DENND4A: variants seen among roughly 807,000 people sequenced by gnomAD.
The protein encoded by DENND4A is C-myc promoter-binding protein.
DENND4A carries 70 observed loss-of-function variants against 199.3 expected under a neutral mutation model. That is an observed-to-expected ratio of 0.35 (90% confidence interval 0.29 to 0.43). The LOEUF is 0.43. DENND4A is among the 20% of genes least tolerant of loss of function. The pLI is 1.00. For missense variants in DENND4A, 1,723 were observed against 2,255.8 expected (o/e 0.76, Z 4.78); for synonymous variants, 686 against 766.9 (o/e 0.89, Z 1.74).
chr15:65,756,306 A>T lies in DENND4A; in HGVS notation c.145T>A (p.Ser49Thr). The T allele has an allele frequency of 6.2e-7, 1 of 1,613,764 alleles. No individual in the cohort carries two copies. The highest frequency in any genetic ancestry group is 1.1e-5 in the South Asian group (1 of 91,058). ...AKPKEPITDV[S>T]VIIKSLGEEV... is the part of the protein sequence containing the mutation. ...TCCCCAAGAGATTTGATAATAACTG[A>T]AACATCTGTAATAGGTTCTTTTGGT... Residue 49 changes from serine (S) to threonine (T), a missense_variant, in exon 3 of 33, where the codon TCA (serine) becomes ACA (threonine). Transcript: ENST00000443035.
At chr15:65,772,700 C>G (rs1034777905) in intron 1 of DENND4A, among the ~76,000 whole-genome samples, 2 of 107,680 alleles carry the variant, frequency 1.9e-5, no homozygotes, top group Non-Finnish European at 3.6e-5. Flanking sequence ...AAATGAGACT[C>G]CGTCTCAAAA....
At chr15:65,783,294 G>C (rs1380839584) in intron 1 of DENND4A, among the ~76,000 whole-genome samples, 4 of 152,192 alleles carry the variant, frequency 2.6e-5, no homozygotes, top group Non-Finnish European at 5.9e-5. Flanking sequence ...GAACAAATAA[G>C]TTAATAGATG....
chr15:65,752,999 C>T (rs2076607780), intron 3 of DENND4A, among the ~76,000 whole-genome samples: 1 of 152,184 alleles, frequency 6.6e-6, no homozygotes, highest in Admixed American at 6.5e-5. Flanking sequence ...TAAAATTTTA[C>T]AAAAGGTTAC....
Position 65,681,848 on chromosome 15 carries a change from G to A in DENND4A, c.4180-5214C>T, listed in dbSNP as rs529561301. On this transcript the variant is annotated intron_variant, in intron 23 of 32. Transcript: ENST00000443035. The stretch of plus-strand genomic sequence containing the variant: ...CTTCCAAAGCGTTGGGATTACACGC[G>A]TGAGCCACTGCACCTGGCAACTGCT... Among the ~76,000 whole-genome samples the A allele has an allele frequency of 5.7e-3, 863 of 152,216 alleles. 9 individuals are homozygous for A. The highest frequency in any genetic ancestry group is 0.02 in the African/African-American group (823 of 41,526).
Position 65,691,132 on chromosome 15 carries a change from ATAGT to A in DENND4A, c.3458_3461del (p.Asn1153IlefsTer14). ...CAGGAGAATCCACTTTATCTGCCAA[ATAGT>A]TAGAACCATCAAAAGGTGTATCATC... On this transcript the variant is annotated frameshift_variant, in exon 23 of 33. Transcript: ENST00000443035. LOFTEE classifies it high-confidence loss of function. 2 of 1,613,368 alleles carry A rather than the reference ATAGT, an allele frequency of 1.2e-6. No homozygotes were observed. Among genetic ancestry groups the A allele is most frequent in the Non-Finnish European group, 1.7e-6 (2 of 1,179,712 alleles).
At chr15:65,767,641 T>G (rs376474460) in intron 1 of DENND4A, among the ~76,000 whole-genome samples, 2 of 152,120 alleles carry the variant, frequency 1.3e-5, no homozygotes, top group African/African-American at 4.8e-5. Flanking sequence ...ACTGATACCA[T>G]TATCGAGTAC....
At chr15:65,699,972 C>T (rs933175118) in intron 20 of DENND4A, among the ~76,000 whole-genome samples, 1 of 151,776 alleles carries the variant, frequency 6.6e-6, no homozygotes, top group Admixed American at 6.6e-5. Flanking sequence ...GCTATCACAC[C>T]CAGCCTTAAA....
chr15:65,741,382 C>T (rs2140477234), intron 5 of DENND4A, among the ~76,000 whole-genome samples: 1 of 152,270 alleles, frequency 6.6e-6, no homozygotes. Context: ...ATGTGAACTA[C>T]AGCTCTTACT....
At chr15:65,684,466 T>G (rs367633961) in intron 23 of DENND4A, among the ~76,000 whole-genome samples, 1 of 152,208 alleles carries the variant, frequency 6.6e-6, no homozygotes. Context: ...GCCTAATAAC[T>G]AATTATGTTG....
intron 16 of DENND4A, among the ~76,000 whole-genome samples, 165 bp from the exon 17 acceptor site, chr15:65,702,676 G>A (rs949415054): frequency 6.6e-6 from 1 of 152,122 alleles, no homozygotes; most frequent in African/African-American, 2.4e-5. Context: ...GTATTAAACA[G>A]CATATAAAAT....
intron 2 of DENND4A, among the ~76,000 whole-genome samples, 177 bp from the exon 3 acceptor site, chr15:65,756,649 A>C (rs372516238): frequency 6.6e-6 from 1 of 152,248 alleles, no homozygotes; most frequent in Non-Finnish European, 1.5e-5. Flanking sequence ...CATCTTTAGC[A>C]ATCTTTTATT....
intron 23 of DENND4A, among the ~76,000 whole-genome samples, chr15:65,677,488 C>G (rs2076419465): frequency 6.6e-6 from 1 of 151,882 alleles, no homozygotes; most frequent in Non-Finnish European, 1.5e-5. Context: ...GAATTACACG[C>G]CTGAGCCACC....
intron 12 of DENND4A, among the ~76,000 whole-genome samples, chr15:65,718,760 CTTTTTTTTTTTTTTTTTTT>C (rs1038227560): frequency 1.5e-5 from 1 of 67,738 alleles, no homozygotes; most frequent in Admixed American, 2.0e-4. Flanking sequence ...GTTTTTTTTC[CTTTTTTTTTTTTTTTTTTT>C]TTTTTTTTTT....
intron 5 of DENND4A, among the ~76,000 whole-genome samples, chr15:65,740,447 TA>T (rs1046623413): frequency 0.012 from 1,348 of 114,442 alleles, 9 homozygotes; most frequent in African/African-American, 0.028. Context: ...CCATCTCTAC[TA>T]AAAAAAAAAA....
At chr15:65,759,178 T>C (rs1381786344) in intron 2 of DENND4A, among the ~76,000 whole-genome samples, 3 of 152,190 alleles carry the variant, frequency 2.0e-5, no homozygotes, top group Non-Finnish European at 4.4e-5. Context: ...TCCCACTATT[T>C]TCTTTAAAAA....
chr15:65,720,947 T>TTCTATATATATATATATATATATATATA lies in DENND4A; in HGVS notation c.1588+1900_1588+1901insTATATATATATATATATATATATATAGA, dbSNP rs1435137020. Among the ~76,000 whole-genome samples, 95 of 76,252 alleles carry TTCTATATATATATATATATATATATATA rather than the reference T, an allele frequency of 1.2e-3. 2 individuals carry two copies. The highest frequency in any genetic ancestry group is 3.9e-3 in the South Asian group (10 of 2,560). The allele number at this position is 76,252 out of a possible 152,430, so 50.0% of individuals were successfully genotyped here. On this transcript the variant is annotated intron_variant, in intron 12 of 32. Transcript: ENST00000443035. ...AAAGTTGAATGGGCTGTTTCATTGA[T>TTCTATATATATATATATATATATATATA]TATATATATATATATATATATATAT...
chr15:65,727,345 T>C (rs1261337932), intron 11 of DENND4A, among the ~76,000 whole-genome samples: 3 of 149,770 alleles, frequency 2.0e-5, no homozygotes, highest in South Asian at 2.1e-4. Context: ...CCCAGCTACT[T>C]GGGAGGCTGA....
intron 4 of DENND4A, among the ~76,000 whole-genome samples, chr15:65,750,819 T>A (rs1233948982): frequency 6.6e-6 from 1 of 151,362 alleles, no homozygotes; most frequent in Non-Finnish European, 1.5e-5. Flanking sequence ...TTACTAAGAG[T>A]GAGATGAGAA....
chr15:65,663,161 T>C (rs1254252203), intron 32 of DENND4A, among the ~76,000 whole-genome samples: 1 of 137,150 alleles, frequency 7.3e-6, no homozygotes, highest in Non-Finnish European at 1.6e-5. Context: ...ATTTTTTATA[T>C]ATATGTGTGT....
Sources: allele counts gnomAD v4.1 joint callset (sites outside exome capture counted in the v4.1 genomes callset), GRCh38; gene constraint gnomAD v4.1.1; transcripts MANE v1.5; gene names NCBI Gene and HGNC (gene_info 2026-07-23, HGNC 2026-07-21).